Variants in PRKCQ observed in about 807,000 individuals in gnomAD.
PRKCQ encodes protein kinase C theta.
A neutral mutation model predicts 91.2 loss-of-function variants in PRKCQ; 41 were observed. The ratio of observed to expected loss-of-function variants is 0.45; its 90% CI spans 0.35 to 0.58. The LOEUF (loss-of-function observed/expected upper bound fraction) is 0.58. PRKCQ is among the 20% of genes least tolerant of loss of function. The pLI is 0.00. For missense variants in PRKCQ, 673 were observed against 896.5 expected, an observed-to-expected ratio of 0.75 and a Z score of 3.18; for synonymous variants, 307 against 316.9, an observed-to-expected ratio of 0.97 and a Z score of 0.33.
At position 6,472,909 on chromosome 10, in the gene PRKCQ, C is replaced by T. The variant is rs578174453; in HGVS notation, c.1353+6083G>A. Among the ~76,000 whole-genome samples the T allele has an allele frequency of 5.3e-5, 8 of 152,232 alleles. No homozygotes were observed. In the East Asian group the frequency reaches 9.7e-4, roughly 18 times the overall value. On this transcript the variant is annotated intron_variant, in intron 12 of 17. Transcript: ENST00000263125. ...TGTATTTTTAGTGGAGACAGAGTTT[C>T]GCCATGTTGGCCAGGCTGGTCTCAA...
At chr10:6,415,143 A>C in the PRKCQ span, among the ~76,000 whole-genome samples, 2 of 151,524 alleles carry the variant, frequency 1.3e-5, no homozygotes, top group African/African-American at 4.9e-5. Context: ...TTGCATTTTT[A>C]GTAGAGATGG....
intron 1 of PRKCQ, among the ~76,000 whole-genome samples, chr10:6,549,679 G>A (rs1179769429): frequency 7.0e-6 from 1 of 143,860 alleles, no homozygotes; most frequent in African/African-American, 2.6e-5. Context: ...AGGCTAGGCT[G>A]GAGTGCAATG....
At chr10:6,513,014 G>A (rs1230409007) in intron 2 of PRKCQ, among the ~76,000 whole-genome samples, 1 of 152,110 alleles carries the variant, frequency 6.6e-6, no homozygotes, top group Non-Finnish European at 1.5e-5. Flanking sequence ...CTCTGTGCCT[G>A]GAGAAAAGGG....
chr10:6,562,052 G>T (rs1840653001), intron 1 of PRKCQ, among the ~76,000 whole-genome samples: 1 of 152,146 alleles, frequency 6.6e-6, no homozygotes, highest in Non-Finnish European at 1.5e-5. Flanking sequence ...TCAAAATAAT[G>T]CTGGTAGGAA....
chr10:6,509,864 T>G (rs1330555872), intron 3 of PRKCQ, among the ~76,000 whole-genome samples: 1 of 152,220 alleles, frequency 6.6e-6, no homozygotes, highest in Non-Finnish European at 1.5e-5. Context: ...CGAGCAAAGA[T>G]TTTTATACTT....
At chr10:6,494,636 G>A (rs1016314039) in intron 7 of PRKCQ, among the ~76,000 whole-genome samples, 7 of 152,300 alleles carry the variant, frequency 4.6e-5, no homozygotes, top group African/African-American at 1.7e-4. Flanking sequence ...GACTCTGGGT[G>A]TAGGAGGAGC....
chr10:6,459,817 G>A (rs2132318665), intron 14 of PRKCQ, among the ~76,000 whole-genome samples: 1 of 152,354 alleles, frequency 6.6e-6, no homozygotes, highest in Admixed American at 6.5e-5. Flanking sequence ...CAAATGTCTA[G>A]CTTCCAGAAT....
intron 1 of PRKCQ, among the ~76,000 whole-genome samples, chr10:6,573,148 T>A (rs1023875633): frequency 6.6e-6 from 1 of 152,268 alleles, no homozygotes; most frequent in South Asian, 2.1e-4. Flanking sequence ...TTCTATTTCA[T>A]GCTTGTTATC....
intron 1 of PRKCQ, among the ~76,000 whole-genome samples, chr10:6,566,032 C>T (rs908378954): frequency 1.3e-5 from 2 of 152,172 alleles, no homozygotes; most frequent in Non-Finnish European, 2.9e-5. Context: ...TTCACCATTA[C>T]CTTATATTCC....
intron 2 of PRKCQ, among the ~76,000 whole-genome samples, chr10:6,514,472 C>T (rs1373051425): frequency 6.6e-6 from 1 of 152,176 alleles, no homozygotes; most frequent in Non-Finnish European, 1.5e-5. Flanking sequence ...TGTATTTGAA[C>T]TTGATGAAAC....
chr10:6,546,738 A>G (rs1839966177), intron 1 of PRKCQ, among the ~76,000 whole-genome samples: 3 of 152,066 alleles, frequency 2.0e-5, no homozygotes, highest in Admixed American at 6.5e-5. Context: ...TCTCCTGCCT[A>G]ATTGCCCTGG....
At chr10:6,568,953 G>C (rs1840937847) in intron 1 of PRKCQ, among the ~76,000 whole-genome samples, 1 of 152,046 alleles carries the variant, frequency 6.6e-6, no homozygotes, top group Admixed American at 6.5e-5. Context: ...ACCCCCTTCA[G>C]CTCTGATTTC....
At chr10:6,405,025 G>A in the PRKCQ span, among the ~76,000 whole-genome samples, 708 of 146,096 alleles carry the variant, frequency 4.8e-3, 2 homozygotes, top group South Asian at 0.024. Context: ...TCACTCTGTT[G>A]TCTAGGCTGG....
intron 15 of PRKCQ, among the ~76,000 whole-genome samples, chr10:6,451,357 C>T (rs1168551840): frequency 2.0e-5 from 3 of 152,174 alleles, no homozygotes; most frequent in East Asian, 3.9e-4. Flanking sequence ...GACATATACA[C>T]TCTCCCAAGA....
chr10:6,526,437 G>C (rs567052438), intron 1 of PRKCQ, among the ~76,000 whole-genome samples: 173 of 152,230 alleles, frequency 1.1e-3, no homozygotes, highest in South Asian at 3.3e-3. Flanking sequence ...AATACACCAG[G>C]TGACTCCCAT....
the PRKCQ span, among the ~76,000 whole-genome samples, chr10:6,395,056 C>CTTTTTTTTTT: frequency 1.5e-5 from 1 of 66,994 alleles, no homozygotes; most frequent in Non-Finnish European, 2.6e-5. Flanking sequence ...AAGCTGGAGT[C>CTTTTTTTTTT]TTTTTTTTTT....
At chr10:6,448,405 G>A (rs1201531936) in intron 15 of PRKCQ, among the ~76,000 whole-genome samples, 1 of 140,536 alleles carries the variant, frequency 7.1e-6, no homozygotes, top group Non-Finnish European at 1.6e-5. Flanking sequence ...GCCAGGGAAG[G>A]TAGCACTTAA....
chr10:6,569,318 G>A (rs987588351), intron 1 of PRKCQ, among the ~76,000 whole-genome samples: 26 of 152,106 alleles, frequency 1.7e-4, no homozygotes, highest in Admixed American at 8.5e-4. Context: ...CATCTTGGGA[G>A]CTGAAGATGT....
the PRKCQ span, among the ~76,000 whole-genome samples, chr10:6,397,921 G>A: frequency 9.2e-5 from 14 of 151,762 alleles, no homozygotes; most frequent in South Asian, 2.1e-4. Context: ...ACGAGACTCC[G>A]TCTAAAAAAA....
Sources: allele counts gnomAD v4.1 joint callset (sites outside exome capture counted in the v4.1 genomes callset), GRCh38; gene constraint gnomAD v4.1.1; transcripts MANE v1.5; gene names NCBI Gene and HGNC (gene_info 2026-07-23, HGNC 2026-07-21).